Variants in PDE10A observed in about 807,000 individuals in gnomAD.
The protein encoded by PDE10A is phosphodiesterase 10A, also known as cAMP and cAMP-inhibited cGMP 3',5'-cyclic phosphodiesterase 10A.
In PDE10A, 39 loss-of-function variants were observed where a neutral mutation model predicts 97.7. That is an observed-to-expected ratio of 0.40 (90% CI 0.31 to 0.52). PDE10A has a LOEUF of 0.52. PDE10A is among the 20% of genes least tolerant of loss of function. The pLI is 0.56. For missense variants in PDE10A, 731 were observed against 1,047.8 expected (o/e 0.70, Z 4.17); for synonymous variants, 371 against 376.8 (o/e 0.98, Z 0.18).
rs1788477463 is a variant in PDE10A at position 165,418,549 on chromosome 6, T to C, written c.1796+86A>G. Reference sequence around the variant, plus strand: ...CACAGTATGACAAGTATTGTCAGCATACCTGTGAATAGGCACAGAAAAATG... The same window carrying C: ...CACAGTATGACAAGTATTGTCAGCACACCTGTGAATAGGCACAGAAAAATG... On this transcript the variant is annotated intron_variant, in intron 11 of 21. Transcript: ENST00000539869. The surrounding 1 kb of genome is among the most constrained non-coding windows in gnomAD (Gnocchi z 4.8). 9 of 1,219,588 alleles carry C rather than the reference T, an allele frequency of 7.4e-6. No individual in the cohort carries two copies. Among genetic ancestry groups the C allele is most frequent in the Admixed American group, 1.8e-5 (1 of 54,066 alleles). 75.5% of individuals were successfully genotyped at this position (1,219,588 alleles called of 1,614,324 possible).
At chr6:165,531,265 A>G (rs1247249310) in intron 2 of PDE10A, among the ~76,000 whole-genome samples, 6 of 151,620 alleles carry the variant, frequency 4.0e-5, no homozygotes, top group African/African-American at 1.5e-4. Flanking sequence ...CCCCATTTAG[A>G]TTCAAAGCTC....
chr6:165,751,715 C>A (rs1457950649), intron 1 of PDE10A, among the ~76,000 whole-genome samples: 1 of 152,188 alleles, frequency 6.6e-6, no homozygotes, highest in Non-Finnish European at 1.5e-5. Context: ...ATAAGACAGT[C>A]CCAGCAGCGC....
chr6:165,527,072 A>G (rs1782490614), intron 2 of PDE10A, among the ~76,000 whole-genome samples: 1 of 152,204 alleles, frequency 6.6e-6, no homozygotes, highest in Admixed American at 6.5e-5. Context: ...TCCGACTAAA[A>G]TTCAGGGATC....
At chr6:165,818,200 C>T (rs1229773994) in intron 1 of PDE10A, among the ~76,000 whole-genome samples, 2 of 151,896 alleles carry the variant, frequency 1.3e-5, no homozygotes, top group East Asian at 1.9e-4. Flanking sequence ...CATCTTCATC[C>T]CATTCCATCT....
At chr6:165,551,819 TG>T (rs1404243948) in intron 1 of PDE10A, among the ~76,000 whole-genome samples, 1 of 152,150 alleles carries the variant, frequency 6.6e-6, no homozygotes, top group Non-Finnish European at 1.5e-5. Flanking sequence ...GATAAAGAGG[TG>T]GAAAGAAATC....
intron 1 of PDE10A, among the ~76,000 whole-genome samples, chr6:165,568,252 G>T (rs967494738): frequency 6.6e-6 from 1 of 152,074 alleles, no homozygotes. Context: ...GCCCGCCTCG[G>T]CCTCCCAAAG....
intron 1 of PDE10A, among the ~76,000 whole-genome samples, chr6:165,771,654 T>C (rs56953047): frequency 0.018 from 1,918 of 106,558 alleles, 237 homozygotes; most frequent in African/African-American, 0.058. Context: ...TTTAACAAGA[T>C]AAAAAAAAAA....
intron 18 of PDE10A, among the ~76,000 whole-genome samples, chr6:165,362,531 T>C (rs768324530): frequency 1.4e-4 from 22 of 152,164 alleles, no homozygotes; most frequent in Non-Finnish European, 2.6e-4. Flanking sequence ...TCAATGTGAA[T>C]AGACCTATAA....
chr6:165,782,112 T>G (rs1237638099), intron 1 of PDE10A, among the ~76,000 whole-genome samples: 1 of 152,208 alleles, frequency 6.6e-6, no homozygotes, highest in Non-Finnish European at 1.5e-5. Flanking sequence ...CTAATTAAAG[T>G]ATGTTCACCT....
intron 17 of PDE10A, among the ~76,000 whole-genome samples, chr6:165,385,077 T>C (rs1052137294): frequency 1.3e-5 from 2 of 152,280 alleles, no homozygotes. Context: ...CTTATTTTAA[T>C]GACTGGAAGT....
rs1781117120 is a variant in PDE10A at position 165,327,607 on chromosome 6, T to C, written c.*5418A>G. ...AATACAAAGACTGCAAATGAATACATGAAAAAATTACACACATGTACAATA... is the reference window on the plus strand; with the variant it reads ...AATACAAAGACTGCAAATGAATACACGAAAAAATTACACACATGTACAATA... On this transcript the variant is annotated 3_prime_UTR_variant, in exon 22 of 22. Coordinates refer to ENST00000539869, the MANE Select transcript of PDE10A (RefSeq NM_001385079.1). The C allele has an allele frequency of 6.6e-6, 1 of 152,222 alleles. No homozygotes were observed. The highest frequency in any genetic ancestry group is 2.1e-4 in the South Asian group (1 of 4,832). 9.4% of individuals were successfully genotyped at this position (152,222 alleles called of 1,614,324 possible).
chr6:165,409,331 G>A (rs1170395755), intron 13 of PDE10A, among the ~76,000 whole-genome samples: 4 of 152,118 alleles, frequency 2.6e-5, no homozygotes, highest in Non-Finnish European at 4.4e-5. Flanking sequence ...CGGATCACCT[G>A]ACCTCAGGAG....
intron 1 of PDE10A, among the ~76,000 whole-genome samples, chr6:165,582,951 A>T (rs1044133259): frequency 6.6e-6 from 1 of 152,126 alleles, no homozygotes; most frequent in Admixed American, 6.6e-5. Context: ...AATAACTCAA[A>T]ACCTTTATAA....
At chr6:165,807,324 T>C (rs764644958) in intron 1 of PDE10A, among the ~76,000 whole-genome samples, 1 of 151,856 alleles carries the variant, frequency 6.6e-6, no homozygotes, top group Admixed American at 6.5e-5. Context: ...GGATCTTCAC[T>C]ACAGTAAATA....
intron 1 of PDE10A, among the ~76,000 whole-genome samples, chr6:165,549,734 C>T (rs1783921262): frequency 6.6e-6 from 1 of 152,070 alleles, no homozygotes; most frequent in African/African-American, 2.4e-5. Flanking sequence ...GTCTTTATGA[C>T]AATATATTAT....
Position 165,418,872 on chromosome 6 carries a change from C to T in PDE10A, c.1654-95G>A, listed in dbSNP as rs1788499688. On this transcript the variant is annotated intron_variant, in intron 10 of 21. Coordinates refer to ENST00000539869, the MANE Select transcript of PDE10A (RefSeq NM_001385079.1). This position sits in a 1 kb window ranked among gnomAD's most constrained non-coding sequence, Gnocchi z 4.8. ...TAAAATAAGTATTAATTTCAGCTGT[C>T]CTATACTCTAATTGGTTGGTATTAG... The T allele has an allele frequency of 4.3e-6, 4 of 932,340 alleles. No homozygotes were observed. Among genetic ancestry groups the T allele is most frequent in the East Asian group, 5.1e-5 (2 of 39,118 alleles). 57.8% of individuals were successfully genotyped at this position (932,340 alleles called of 1,614,324 possible).
intron 2 of PDE10A, among the ~76,000 whole-genome samples, chr6:165,529,727 T>C (rs1367545245): frequency 6.6e-6 from 1 of 152,208 alleles, no homozygotes; most frequent in Admixed American, 6.5e-5. Context: ...CTTTATGGAA[T>C]AGTATTTGGG....
At chr6:165,839,980 T>TCCCCATCTCCAACTCCATCCCCAA in intron 1 of PDE10A, among the ~76,000 whole-genome samples, 1 of 127,600 alleles carries the variant, frequency 7.8e-6, no homozygotes. Flanking sequence ...TTCATCCCCA[T>TCCCCATCTCCAACTCCATCCCCAA]CCCCATCTCC....
chr6:165,940,320 TA>T (rs1783469582), intron 1 of PDE10A: 1 of 152,262 alleles, frequency 6.6e-6, no homozygotes, highest in South Asian at 2.1e-4. Context: ...AGGACTGTGT[TA>T]AAACACATGC....
Sources: allele counts gnomAD v4.1 joint callset (sites outside exome capture counted in the v4.1 genomes callset), GRCh38; gene constraint gnomAD v4.1.1; non-coding constraint Gnocchi (gnomAD v3.1); transcripts MANE v1.5; gene names NCBI Gene and HGNC (gene_info 2026-07-23, HGNC 2026-07-21).